Variants in MPP4 observed in about 807,000 individuals in gnomAD.
MPP4 encodes MAGUK p55 subfamily member 4.
Under a neutral mutation model 98.3 loss-of-function variants are expected in MPP4, and 91 were observed. That is an observed-to-expected ratio of 0.93 (90% CI 0.78 to 1.10). MPP4 has a LOEUF of 1.10. Ranked by LOEUF, MPP4 falls within the 50% of genes least tolerant of loss-of-function variation. The pLI is 0.00. For synonymous variants in MPP4, 261 were observed against 271.8 expected (o/e 0.96, Z 0.39); for missense variants, 744 against 792.9 (o/e 0.94, Z 0.74).
intron 1 of MPP4, among the ~76,000 whole-genome samples, chr2:201,695,803 G>A (rs540710777): frequency 3.3e-5 from 5 of 152,292 alleles, no homozygotes; most frequent in African/African-American, 9.6e-5. Flanking sequence ...GAAGTGGAGG[G>A]GCTAGCAGCT....
chr2:201,677,273 C>T (rs1329596755), intron 10 of MPP4, among the ~76,000 whole-genome samples: 2 of 152,116 alleles, frequency 1.3e-5, no homozygotes, highest in Non-Finnish European at 2.9e-5. Context: ...TTCACATGTT[C>T]CCTCTGGGGG....
intron 20 of MPP4, among the ~76,000 whole-genome samples, chr2:201,649,095 G>GACACAC (rs762733935): frequency 6.6e-6 from 1 of 150,650 alleles, no homozygotes; most frequent in African/African-American, 2.4e-5. Flanking sequence ...CACACACACA[G>GACACAC]ACACACACAC....
intron 4 of MPP4, among the ~76,000 whole-genome samples, chr2:201,688,978 T>C (rs963652691): frequency 6.6e-6 from 1 of 152,020 alleles, no homozygotes; most frequent in Non-Finnish European, 1.5e-5. Flanking sequence ...GGAGAAAGCA[T>C]TGAGTGTGAA....
chr2:201,666,502 C>T (rs1559008956), intron 12 of MPP4, 130 bp from the exon 13 acceptor site: 5 of 624,536 alleles, frequency 8.0e-6, no homozygotes, highest in Non-Finnish European at 1.3e-5. Context: ...GGGCGGATCA[C>T]CTGAGATCAA....
At chr2:201,685,393 C>T (rs1296550254) in intron 6 of MPP4, among the ~76,000 whole-genome samples, 1 of 152,240 alleles carries the variant, frequency 6.6e-6, no homozygotes, top group Non-Finnish European at 1.5e-5. Flanking sequence ...TCAGTCATAG[C>T]ATGCCATCAA....
intron 12 of MPP4, among the ~76,000 whole-genome samples, chr2:201,667,428 C>T (rs556437638): frequency 1.3e-5 from 2 of 152,292 alleles, no homozygotes; most frequent in South Asian, 2.1e-4. Context: ...TATAACCATT[C>T]GGGGGTTTGC....
intron 3 of MPP4, among the ~76,000 whole-genome samples, chr2:201,692,705 A>G (rs1023246473): frequency 4.6e-5 from 7 of 152,124 alleles, no homozygotes. Flanking sequence ...CCATTTAGGA[A>G]CCAGAGAGGG....
At chr2:201,684,780 C>G (rs1688769300) in intron 7 of MPP4, among the ~76,000 whole-genome samples, 1 of 151,682 alleles carries the variant, frequency 6.6e-6, no homozygotes, top group African/African-American at 2.4e-5. Context: ...GAAACCCCGT[C>G]TCTACTAAAA....
Position 201,649,611 on chromosome 2 carries a change from C to T in MPP4, c.1549G>A (p.Glu517Lys), listed in dbSNP as rs577897740. 9.5e-5 allele frequency: 153 copies of T among 1,608,338 alleles called. 1 individual carries two copies. Among genetic ancestry groups the T allele is most frequent in the South Asian group, 8.4e-4 (75 of 89,318 alleles). ...SVDAVQTVLVEGKICVMDLEP... is the reference protein window; with the variant it reads ...SVDAVQTVLVKGKICVMDLEP... ...AGGTCCATGACACAGATCTTTCCTT[C>T]GACAAGGACTGTTTGAACAGCATCC... is the stretch of plus-strand genomic sequence containing the variant. The change falls in exon 20 of 22, where the codon GAA (glutamate) becomes AAA (lysine). Residue 517 changes from glutamate to lysine, a missense_variant. Transcript: ENST00000409474.
chr2:201,697,918 G>A (rs1574644930), intron 1 of MPP4: 2 of 985,096 alleles, frequency 2.0e-6, no homozygotes, highest in Non-Finnish European at 2.4e-6. Context: ...CATGATGCCT[G>A]GCAAAAGACT....
chr2:201,695,709 T>C (rs916236860), intron 1 of MPP4, among the ~76,000 whole-genome samples: 2 of 152,168 alleles, frequency 1.3e-5, no homozygotes, highest in Non-Finnish European at 2.9e-5. Context: ...TCTTGGCCCC[T>C]GTTAGAGCCA....
intron 10 of MPP4, chr2:201,680,553 T>A (rs1688636709): frequency 3.1e-6 from 1 of 324,038 alleles, no homozygotes; most frequent in East Asian, 5.6e-5. Context: ...AACATATGAA[T>A]TTTGGAGAGG....
intron 18 of MPP4, chr2:201,651,006 GGTATCAT>G: frequency 1.0e-6 from 1 of 984,290 alleles, no homozygotes; most frequent in South Asian, 4.7e-5. Flanking sequence ...CTATGTTCCA[GGTATCAT>G]GTTAGGTTCT....
Position 201,683,246 on chromosome 2 carries a change from C to T in MPP4, c.575-330G>A, listed in dbSNP as rs1266298898. 2.0e-5 allele frequency among the ~76,000 whole-genome samples: 3 copies of T among 152,118 alleles called. No homozygotes were observed. The South Asian group carries it at 6.2e-4, about 32-fold the overall frequency. On this transcript the variant is annotated intron_variant, in intron 7 of 21. Transcript: ENST00000409474. ...AGATGTCAGGGTCATAAGTCAACAA[C>T]AAAAAGGAAATGGGGTAGGTATTAT...
rs546649378 is a variant in MPP4 at position 201,663,609 on chromosome 2, G to C, written c.1072+472C>G. On this transcript the variant is annotated intron_variant, in intron 14 of 21. Coordinates refer to ENST00000409474, the MANE Select transcript of MPP4 (RefSeq NM_033066.3). ...CATGGGACTGTAGTCCCAGCTACTT[G>C]GGAGGCTAAAGTGGGAGGATCACCT... 2.0e-5 allele frequency among the ~76,000 whole-genome samples: 3 copies of C among 152,274 alleles called. No homozygotes were observed. The South Asian group carries it at 6.2e-4, about 32-fold the overall frequency.
chr2:201,654,572 T>TAACA (rs1687804602), intron 18 of MPP4, among the ~76,000 whole-genome samples: 1 of 152,136 alleles, frequency 6.6e-6, no homozygotes, highest in Admixed American at 6.5e-5. Context: ...TATACATATG[T>TAACA]AACAAACCTG....
At chr2:201,684,714 G>C (rs1286857143) in intron 7 of MPP4, among the ~76,000 whole-genome samples, 1 of 152,168 alleles carries the variant, frequency 6.6e-6, no homozygotes, top group Non-Finnish European at 1.5e-5. Context: ...ACTTTGGGAG[G>C]CTGAGGTGGG....
At chr2:201,684,970 A>G in intron 7 of MPP4, 94 bp downstream of exon 7, 1 of 1,122,000 alleles carries the variant, frequency 8.9e-7, no homozygotes. Flanking sequence ...AGAAAAAAAA[A>G]AAGAAAAAAA....
At chr2:201,663,552 C>CA (rs1688084031) in intron 14 of MPP4, among the ~76,000 whole-genome samples, 2 of 152,122 alleles carry the variant, frequency 1.3e-5, no homozygotes, top group Non-Finnish European at 2.9e-5. Context: ...CCTGTATCTA[C>CA]AAAAAATTGA....
Sources: allele counts gnomAD v4.1 joint callset (sites outside exome capture counted in the v4.1 genomes callset), GRCh38; gene constraint gnomAD v4.1.1; transcripts MANE v1.5; gene names NCBI Gene and HGNC (gene_info 2026-07-23, HGNC 2026-07-21).